PCDHA4: variants seen among roughly 807,000 people sequenced by gnomAD.
PCDHA4 encodes protocadherin alpha-4.
Under a neutral mutation model 61.4 loss-of-function variants are expected in PCDHA4, and 49 were observed. The observed-to-expected ratio is 0.80, with a 90% CI of 0.63 to 1.01. PCDHA4 has a LOEUF of 1.01. Ranked by LOEUF, PCDHA4 falls within the 50% of genes least tolerant of loss-of-function variation. The pLI is 0.00. For missense variants in PCDHA4, 1,254 were observed against 1,235.8 expected (o/e 1.01, Z -0.22); for synonymous variants, 590 against 550.3 (o/e 1.07, Z -1.01).
chr5:140,856,246 G>T (rs782761072), intron 1 of PCDHA4: 2 of 1,598,030 alleles, frequency 1.3e-6, no homozygotes, highest in Admixed American at 1.7e-5. Flanking sequence ...TCCGGGTGGC[G>T]TCCAAAAGAC....
chr5:140,853,245 C>T lies in PCDHA4; in HGVS notation c.2385+43673C>T. On this transcript the variant is annotated intron_variant, in intron 1 of 3. Coordinates refer to ENST00000530339, the MANE Select transcript of PCDHA4 (RefSeq NM_018907.4). ...TGGTAATTTAGTCCTTCATATTAAT[C>T]TCTATTCTCTCTCAGAGTACAAGCT... The T allele has an allele frequency of 2.1e-6, 2 of 975,340 alleles. 1 individual carries two copies. The highest frequency in any genetic ancestry group is 2.5e-6 in the Non-Finnish European group (2 of 808,438). The allele number at this position is 975,340 out of a possible 1,614,324, so 60.4% of individuals were successfully genotyped here.
intron 1 of PCDHA4, among the ~76,000 whole-genome samples, chr5:140,942,008 T>C (rs155814): frequency 0.3 from 44,965 of 152,110 alleles, 7,230 homozygotes; most frequent in East Asian, 0.53. Flanking sequence ...CTCTTATTAT[T>C]AATTTTGGGA....
intron 1 of PCDHA4, chr5:140,847,531 C>G (rs1562439566): frequency 6.7e-6 from 1 of 149,400 alleles, no homozygotes. Context: ...GGAAAAGAAT[C>G]TCAAGCATAG....
At chr5:140,830,066 C>T in intron 1 of PCDHA4, 1 of 1,613,706 alleles carries the variant, frequency 6.2e-7, no homozygotes, top group African/African-American at 1.3e-5. Flanking sequence ...TGAGCCGGCG[C>T]TGACAGCGAC....
intron 1 of PCDHA4, chr5:140,843,752 T>C: frequency 6.6e-7 from 1 of 1,516,544 alleles, no homozygotes; most frequent in South Asian, 1.2e-5. Context: ...TAAATTCTAT[T>C]TGTGGAAATT....
chr5:140,928,791 G>A, intron 1 of PCDHA4: 1 of 1,614,138 alleles, frequency 6.2e-7, no homozygotes, highest in South Asian at 1.1e-5. Flanking sequence ...TTAAGCAGAG[G>A]GTGGTGGTAG....
At position 140,994,426 on chromosome 5, in the gene PCDHA4, G is replaced by A. The variant is rs994056098; in HGVS notation, c.2533+11863G>A. Among the ~76,000 whole-genome samples the A allele has an allele frequency of 3.9e-5, 6 of 152,110 alleles. No homozygotes were observed. In the East Asian group the frequency reaches 1.2e-3, roughly 29 times the overall value. ...CATTTAATACTGGATATTGAGGCCG[G>A]GCGCAGTGGCTCACACCTGTGATCC... On this transcript the variant is annotated intron_variant, in intron 3 of 3. Coordinates refer to ENST00000530339, the MANE Select transcript of PCDHA4 (RefSeq NM_018907.4).
At chr5:140,812,540 T>C (rs1456985298) in intron 1 of PCDHA4, 1 of 152,188 alleles carries the variant, frequency 6.6e-6, no homozygotes, top group Non-Finnish European at 1.5e-5. Flanking sequence ...CCTTTTTTTC[T>C]AGTTCCTTGA....
Position 140,829,342 on chromosome 5 carries a change from C to A in PCDHA4, c.2385+19770C>A, listed in dbSNP as rs17844302. On this transcript the variant is annotated intron_variant, in intron 1 of 3. Transcript: ENST00000530339. Reference sequence around the variant, plus strand: ...TGGACAGTGCCCTGGACCGCGAGAGCGTGTCGGCCTATGAGTTGGTGGTAA... The same window carrying A: ...TGGACAGTGCCCTGGACCGCGAGAGAGTGTCGGCCTATGAGTTGGTGGTAA... The A allele has an allele frequency of 4.1e-3, 6,559 of 1,614,192 alleles. 207 individuals carry two copies. In the African/African-American group the frequency reaches 0.072, roughly 18 times the overall value.
rs1554135637 is a variant in PCDHA4, at chr5:140,836,136, G to A, written c.2385+26564G>A. The A allele has an allele frequency of 1.2e-6, 2 of 1,613,670 alleles. No individual in the cohort carries two copies. The highest frequency in any genetic ancestry group is 1.7e-5 in the Admixed American group (1 of 59,996). ...AGTGAGAGAGCTTGTGCCGCGGTCT[G>A]TGGGCGCGGGCCATGTGGTGGCGAA... On this transcript the variant is annotated intron_variant, in intron 1 of 3. Transcript: ENST00000530339.
chr5:140,879,475 A>G (rs567061434), intron 1 of PCDHA4, among the ~76,000 whole-genome samples: 1 of 152,326 alleles, frequency 6.6e-6, no homozygotes, highest in Non-Finnish European at 1.5e-5. Flanking sequence ...TACCGTTGTG[A>G]TTGGAAATAT....
At chr5:140,877,209 G>C in intron 1 of PCDHA4, 1 of 1,613,794 alleles carries the variant, frequency 6.2e-7, no homozygotes, top group African/African-American at 1.3e-5. Context: ...CAGTTAGCGA[G>C]TTGGTACCGC....
rs1333362831 is a variant in PCDHA4 at position 140,976,454 on chromosome 5, GGAA to G, written c.2386-2488_2386-2486del. Among the ~76,000 whole-genome samples, 4 of 152,214 alleles carry G rather than the reference GGAA, an allele frequency of 2.6e-5. No individual in the cohort carries two copies. The East Asian group carries it at 7.7e-4, about 29-fold the overall frequency. On this transcript the variant is annotated intron_variant, in intron 1 of 3. Transcript: ENST00000530339. Reference sequence around the variant, plus strand: ...TAATCCCAGCTACTAGGGAGGCTGGGGAAGAAGAATTGCTTGAATCCGGGAGGC... The same window carrying G: ...TAATCCCAGCTACTAGGGAGGCTGGGGAAGAATTGCTTGAATCCGGGAGGC...
chr5:140,879,100 T>C (rs2057854721), intron 1 of PCDHA4, among the ~76,000 whole-genome samples: 1 of 152,190 alleles, frequency 6.6e-6, no homozygotes, highest in African/African-American at 2.4e-5. Context: ...CTGCACAGTA[T>C]ATGGTGTAAT....
intron 3 of PCDHA4, among the ~76,000 whole-genome samples, chr5:141,007,994 T>G (rs1339008337): frequency 5.9e-5 from 9 of 152,262 alleles, no homozygotes. Flanking sequence ...GAAATGTACA[T>G]GTTAATAAAC....
intron 1 of PCDHA4, among the ~76,000 whole-genome samples, chr5:140,895,468 CCT>C (rs2065019844): frequency 6.6e-6 from 1 of 152,130 alleles, no homozygotes; most frequent in Non-Finnish European, 1.5e-5. Flanking sequence ...ATTTCTTTAT[CCT>C]CTTCGGAGAA....
chr5:140,862,586 C>G (rs2047435706), intron 1 of PCDHA4: 3 of 498,034 alleles, frequency 6.0e-6, no homozygotes, highest in Non-Finnish European at 1.2e-5. Flanking sequence ...TTCCAGCAGC[C>G]CGAGTACATG....
At chr5:140,875,377 A>G in intron 1 of PCDHA4, 1 of 1,457,802 alleles carries the variant, frequency 6.9e-7, no homozygotes, top group Non-Finnish European at 9.0e-7. Context: ...TTTACTAAAT[A>G]TGTACTTACA....
intron 1 of PCDHA4, chr5:140,851,387 TA>T: frequency 2.1e-6 from 2 of 974,684 alleles, no homozygotes; most frequent in Non-Finnish European, 2.5e-6. Context: ...CAACCTTCAG[TA>T]TCTATTATTT....
Sources: gnomAD v4.1 joint callset for allele counts (sites outside exome capture counted in the v4.1 genomes callset) on GRCh38, gnomAD v4.1.1 for gene constraint, MANE v1.5 for transcripts, NCBI Gene and HGNC (gene_info 2026-07-23, HGNC 2026-07-21) for gene names.